METTL15: variants seen among roughly 807,000 people sequenced by gnomAD.
METTL15 encodes the protein 12S rRNA N(4)-cytidine methyltransferase METTL15.
Under a neutral mutation model 38.3 loss-of-function variants are expected in METTL15, and 34 were observed. The observed-to-expected ratio is 0.89, with a 90% CI of 0.68 to 1.18. The LOEUF (loss-of-function observed/expected upper bound fraction) is 1.18, where lower values mean the gene tolerates loss of function less well. Among genes scored for constraint, METTL15 ranks in the 50% most tolerant of loss-of-function variants. The pLI, the probability that METTL15 is intolerant of heterozygous loss-of-function variation, is 0.00. For missense variants in METTL15, 438 were observed against 498.4 expected, an observed-to-expected ratio of 0.88 and a Z score of 1.15; for synonymous variants, 162 against 170.9, an observed-to-expected ratio of 0.95 and a Z score of 0.41.
chr11:28,211,465 C>T (rs1182671697), intron 4 of METTL15, among the ~76,000 whole-genome samples: 7 of 151,846 alleles, frequency 4.6e-5, no homozygotes. Context: ...GGAATCCATC[C>T]ACAAAAAATG....
At chr11:28,291,045 C>G (rs1416725704) in intron 5 of METTL15, among the ~76,000 whole-genome samples, 1 of 130,420 alleles carries the variant, frequency 7.7e-6, no homozygotes, top group Non-Finnish European at 1.6e-5. Context: ...AGAAATAATT[C>G]TTTTCTTTTT....
intron 3 of METTL15, among the ~76,000 whole-genome samples, chr11:28,133,516 T>C (rs1250428373): frequency 6.6e-6 from 1 of 152,136 alleles, no homozygotes; most frequent in Non-Finnish European, 1.5e-5. Context: ...CCTGCTGCAT[T>C]GAATTAGGTT....
In METTL15 at chr11:28,526,287, G is replaced by T. The variant is rs1167020600; in HGVS notation, c.*425-191G>T. Among the ~76,000 whole-genome samples, 3 of 152,364 alleles carry T rather than the reference G, an allele frequency of 2.0e-5. No homozygotes were observed. In the East Asian group the frequency reaches 5.8e-4, roughly 29 times the overall value. ...GAGCATGGCCAGAGCTGACGCCGAG[G>T]CCGAGGAGGTGCCAAGAGTGAGCGA... On this transcript the variant is annotated intron_variant and NMD_transcript_variant, in intron 6 of 7. Coordinates refer to the METTL15 transcript ENST00000532947.
chr11:28,132,263 A>C (rs937503747), intron 3 of METTL15, among the ~76,000 whole-genome samples: 3 of 152,134 alleles, frequency 2.0e-5, no homozygotes, highest in African/African-American at 7.2e-5. Flanking sequence ...CTTAAAATGG[A>C]ATAGTATAAT....
At position 28,223,769 on chromosome 11, in the gene METTL15, C is replaced by A. The variant is rs770191729; in HGVS notation, c.407+12571C>A. Among the ~76,000 whole-genome samples, 4 of 152,142 alleles carry A rather than the reference C, an allele frequency of 2.6e-5. No individual in the cohort carries two copies. The South Asian group carries it at 6.2e-4, about 24-fold the overall frequency. On this transcript the variant is annotated intron_variant, in intron 4 of 6. Transcript: ENST00000407364. ...CAGAAAAGATGACATGTCAGATCAC[C>A]TGTTGTTTGAAGACTGAAACTTTTT...
intron 6 of METTL15, among the ~76,000 whole-genome samples, chr11:28,427,940 C>A (rs1850880135): frequency 2.0e-5 from 3 of 152,198 alleles, no homozygotes; most frequent in Admixed American, 2.0e-4. Flanking sequence ...CTGGCCAGAA[C>A]TTCCAATACT....
At chr11:28,438,430 C>A (rs7945266) in intron 6 of METTL15, among the ~76,000 whole-genome samples, 64,154 of 151,880 alleles carry the variant, frequency 0.42, 14,950 homozygotes, top group Admixed American at 0.54. Context: ...CCTTTGGTCC[C>A]AAATATTTTC....
intron 6 of METTL15, 74 bp downstream of exon 6, chr11:28,297,005 G>A: frequency 6.9e-7 from 1 of 1,446,872 alleles, no homozygotes; most frequent in Non-Finnish European, 9.6e-7. Context: ...TTGTGTGCAT[G>A]CACGCATGCA....
In METTL15 at chr11:28,388,534, A is replaced by T. The variant is rs879323911; in HGVS notation, c.*358+26498A>T. On this transcript the variant is annotated intron_variant and NMD_transcript_variant, in intron 5 of 7. Transcript: ENST00000532947. ...AATACTTTACACTGAAAACTACAAA[A>T]CGTTGCTGAAAGCAATACTAAAAGA... Among the ~76,000 whole-genome samples, 12 of 152,166 alleles carry T rather than the reference A, an allele frequency of 7.9e-5. 1 individual carries two copies. The highest frequency in any genetic ancestry group is 3.3e-4 in the Admixed American group (5 of 15,262).
At chr11:28,452,553 G>A (rs1033548968) in intron 6 of METTL15, among the ~76,000 whole-genome samples, 2 of 152,110 alleles carry the variant, frequency 1.3e-5, no homozygotes, top group Non-Finnish European at 2.9e-5. Context: ...CAGACATAAG[G>A]TAGACAGGAA....
chr11:28,245,443 C>T (rs747207678), intron 4 of METTL15, among the ~76,000 whole-genome samples: 5 of 151,962 alleles, frequency 3.3e-5, no homozygotes, highest in Non-Finnish European at 7.4e-5. Context: ...GTATTATTTC[C>T]TTCAGTGGTG....
At chr11:28,271,942 G>T (rs1029566360) in intron 4 of METTL15, among the ~76,000 whole-genome samples, 1 of 152,152 alleles carries the variant, frequency 6.6e-6, no homozygotes, top group African/African-American at 2.4e-5. Flanking sequence ...AGACATTTAC[G>T]TGGTCAACAA....
intron 4 of METTL15, 78 bp from the exon 5 acceptor site, chr11:28,290,128 C>G: frequency 8.4e-7 from 1 of 1,188,754 alleles, no homozygotes; most frequent in South Asian, 1.6e-5. Context: ...AGAATGTGCT[C>G]CCTTCCATTG....
chr11:28,248,908 A>G (rs1279348292), intron 4 of METTL15, among the ~76,000 whole-genome samples: 1 of 152,024 alleles, frequency 6.6e-6, no homozygotes, highest in Non-Finnish European at 1.5e-5. Context: ...TTGAACACAA[A>G]TAATATTTTG....
At chr11:28,465,867 A>G (rs1252330348) in intron 6 of METTL15, among the ~76,000 whole-genome samples, 2 of 152,208 alleles carry the variant, frequency 1.3e-5, no homozygotes, top group Non-Finnish European at 2.9e-5. Flanking sequence ...ACCAAAAATA[A>G]ATATTTCCAG....
intron 4 of METTL15, among the ~76,000 whole-genome samples, chr11:28,226,252 G>A (rs1051436805): frequency 6.6e-6 from 1 of 151,864 alleles, no homozygotes; most frequent in African/African-American, 2.4e-5. Context: ...CCTTGAATCA[G>A]GGTTCAGATT....
downstream of METTL15, among the ~76,000 whole-genome samples, chr11:28,334,945 A>G (rs1375921043): frequency 6.6e-6 from 1 of 152,200 alleles, no homozygotes; most frequent in Non-Finnish European, 1.5e-5. Context: ...TAATATTTCA[A>G]TATGCACAGC....
At chr11:28,205,424 A>G (rs1455619979) in intron 3 of METTL15, among the ~76,000 whole-genome samples, 3 of 152,090 alleles carry the variant, frequency 2.0e-5, no homozygotes, top group African/African-American at 7.2e-5. Flanking sequence ...TGTCCCTACA[A>G]AGGACATGAA....
At position 28,459,123 on chromosome 11, in the gene METTL15, G is replaced by A. The variant is rs7104510; in HGVS notation, c.*424+34759G>A. Among the ~76,000 whole-genome samples, 1,072 of 152,248 alleles carry A rather than the reference G, an allele frequency of 7.0e-3. 9 individuals carry two copies. The highest frequency in any genetic ancestry group is 0.023 in the African/African-American group (972 of 41,548). On this transcript the variant is annotated intron_variant and NMD_transcript_variant, in intron 6 of 7. Transcript: ENST00000532947. ...TCCTGACATCAGGAGAAATGGAAAT[G>A]TCTTCCATATCTTTTGGTATTTCCT...
Sources: gnomAD v4.1 joint callset for allele counts (sites outside exome capture counted in the v4.1 genomes callset) on GRCh38, gnomAD v4.1.1 for gene constraint, MANE v1.5 for transcripts, NCBI Gene and HGNC (gene_info 2026-07-23, HGNC 2026-07-21) for gene names.